The following SYT1 variants were observed in gnomAD, a reference collection of about 807,000 sequenced individuals.
SYT1 encodes the protein synaptotagmin-1.
SYT1 carries 8 observed loss-of-function variants against 44.8 expected under a neutral mutation model. That is an observed-to-expected ratio of 0.18 (90% CI 0.10 to 0.32). The LOEUF (loss-of-function observed/expected upper bound fraction) is 0.32, where lower values mean the gene tolerates loss of function less well. Ranked by LOEUF, SYT1 falls within the 10% of genes least tolerant of loss-of-function variation. SYT1 has a pLI of 1.00. For missense variants in SYT1, 286 were observed against 509.3 expected (o/e 0.56, Z 4.22); for synonymous variants, 154 against 188.8 (o/e 0.82, Z 1.51).
At chr12:79,039,161 C>G (rs7294674) in intron 2 of SYT1, among the ~76,000 whole-genome samples, 3 of 151,796 alleles carry the variant, frequency 2.0e-5, no homozygotes, top group East Asian at 1.9e-4. Context: ...GTCGAAGCAA[C>G]AATAATCCCT....
chr12:79,012,576 G>T (rs1460989364), intron 2 of SYT1, among the ~76,000 whole-genome samples: 1 of 152,146 alleles, frequency 6.6e-6, no homozygotes, highest in African/African-American at 2.4e-5. Flanking sequence ...TCTATTATTT[G>T]TTATTGTGGT....
intron 1 of SYT1, among the ~76,000 whole-genome samples, chr12:78,972,149 T>TC (rs1466022636): frequency 1.3e-5 from 2 of 152,180 alleles, no homozygotes; most frequent in East Asian, 3.9e-4. Context: ...TTCTATTTTC[T>TC]CCCCCATTTG....
intron 3 of SYT1, among the ~76,000 whole-genome samples, chr12:79,105,011 G>A (rs17046390): frequency 0.11 from 16,165 of 152,170 alleles, 2,771 homozygotes; most frequent in African/African-American, 0.36. Context: ...GGTCAGATTA[G>A]AGAGGTAGAC....
intron 3 of SYT1, among the ~76,000 whole-genome samples, chr12:79,178,972 A>G (rs1872108238): frequency 9.2e-6 from 1 of 108,984 alleles, no homozygotes; most frequent in Non-Finnish European, 1.8e-5. Context: ...ATATAGATAT[A>G]TAGATATAGA....
intron 2 of SYT1, among the ~76,000 whole-genome samples, chr12:79,012,804 T>A (rs1565762000): frequency 6.6e-6 from 1 of 152,162 alleles, no homozygotes; most frequent in African/African-American, 2.4e-5. Context: ...TGCTTTGTAG[T>A]CAGAATGGCA....
chr12:79,292,051 A>T lies in SYT1; in HGVS notation c.395A>T (p.Glu132Val). 1 of 1,614,066 alleles carries T rather than the reference A, an allele frequency of 6.2e-7. No individual in the cohort carries two copies. Residue 132 changes from glutamate to valine, a missense_variant, in exon 6 of 11, where the codon GAA becomes GTA. By Grantham distance (121) the Glu-to-Val change is moderately radical. Transcript: ENST00000261205. Reference sequence around the variant, plus strand: ...GCTGAAACTGGATTGACAGATGGAGAAGAAAAAGAAGAACCCAAAGAAGAG... The same window carrying T: ...GCTGAAACTGGATTGACAGATGGAGTAGAAAAAGAAGAACCCAAAGAAGAG... Reference protein sequence around the residue: ...DDAETGLTDGEEKEEPKEEEK... With the variant: ...DDAETGLTDGVEKEEPKEEEK...
chr12:79,028,656 C>T (rs376108769), intron 2 of SYT1, among the ~76,000 whole-genome samples: 423 of 151,378 alleles, frequency 2.8e-3, no homozygotes, highest in Non-Finnish European at 4.4e-3. Flanking sequence ...CAGTATTAGC[C>T]ATTTAGGTAT....
chr12:79,119,425 C>G (rs539722293), intron 3 of SYT1, among the ~76,000 whole-genome samples: 63 of 152,190 alleles, frequency 4.1e-4, no homozygotes, highest in Middle Eastern at 3.4e-3. Flanking sequence ...GTTTTTTGAC[C>G]CCTGACTTTT....
intron 1 of SYT1, among the ~76,000 whole-genome samples, chr12:78,952,294 C>A (rs1879008962): frequency 6.6e-6 from 1 of 152,114 alleles, no homozygotes; most frequent in Non-Finnish European, 1.5e-5. Context: ...CTACAGCAGA[C>A]ACTGATGCAG....
At chr12:79,029,653 A>C (rs1041882143) in intron 2 of SYT1, among the ~76,000 whole-genome samples, 5 of 151,166 alleles carry the variant, frequency 3.3e-5, no homozygotes, top group African/African-American at 9.7e-5. Flanking sequence ...ATTTATGTAG[A>C]TATGCTAAGT....
intron 1 of SYT1, among the ~76,000 whole-genome samples, chr12:78,922,387 TG>T (rs1256618064): frequency 2.0e-5 from 3 of 151,852 alleles, no homozygotes; most frequent in Non-Finnish European, 2.9e-5. Flanking sequence ...TATTCAACTT[TG>T]GGCTAATAAT....
intron 8 of SYT1, among the ~76,000 whole-genome samples, chr12:79,308,550 AAAAAGAAAGAAAGG>A (rs1263823276): frequency 3.7e-5 from 5 of 136,800 alleles, no homozygotes; most frequent in Non-Finnish European, 8.1e-5. Flanking sequence ...GAAAGAAAGA[AAAAAGAAAGAAAGG>A]AAAAGAAAGA....
chr12:78,971,378 G>A (rs1868378530), intron 1 of SYT1, among the ~76,000 whole-genome samples: 1 of 152,028 alleles, frequency 6.6e-6, no homozygotes, highest in African/African-American at 2.4e-5. Flanking sequence ...GAAAGTGAAG[G>A]CAATTCAGTT....
chr12:79,432,950 G>A (rs533994563), intron 9 of SYT1, among the ~76,000 whole-genome samples: 62 of 152,060 alleles, frequency 4.1e-4, no homozygotes, highest in Non-Finnish European at 7.5e-4. Context: ...GCACTGAGAC[G>A]TTTTCAGCTA....
intron 2 of SYT1, among the ~76,000 whole-genome samples, chr12:78,987,648 A>AGTTACCATTT (rs1869738490): frequency 6.6e-6 from 1 of 151,998 alleles, no homozygotes; most frequent in Non-Finnish European, 1.5e-5. Context: ...CTGCATACAT[A>AGTTACCATTT]GTTACCATTT....
At chr12:79,149,001 C>T (rs1323966111) in intron 3 of SYT1, among the ~76,000 whole-genome samples, 35 of 152,000 alleles carry the variant, frequency 2.3e-4, no homozygotes, top group South Asian at 2.1e-4. Flanking sequence ...AAGAATGTTA[C>T]ATCCTAAAGT....
At chr12:79,131,359 ACT>A (rs1334854864) in intron 3 of SYT1, among the ~76,000 whole-genome samples, 2 of 150,352 alleles carry the variant, frequency 1.3e-5, no homozygotes, top group Non-Finnish European at 3.0e-5. Flanking sequence ...GTTTTTCATA[ACT>A]CTGTCCCTTA....
intron 4 of SYT1, among the ~76,000 whole-genome samples, chr12:79,225,020 ATCTGCCTGCCTT>A (rs1736699856): frequency 6.6e-6 from 1 of 151,722 alleles, no homozygotes; most frequent in Non-Finnish European, 1.5e-5. Flanking sequence ...ACCTCAGGTG[ATCTGCCTGCCTT>A]GGCCTCCCAA....
intron 3 of SYT1, among the ~76,000 whole-genome samples, chr12:79,063,776 A>G (rs1013502044): frequency 1.3e-5 from 2 of 152,280 alleles, no homozygotes; most frequent in Non-Finnish European, 1.5e-5. Context: ...AAACAAATAC[A>G]GTAACAGGTA....
Sources: allele counts gnomAD v4.1 joint callset (sites outside exome capture counted in the v4.1 genomes callset), GRCh38; gene constraint gnomAD v4.1.1; transcripts MANE v1.5; gene names NCBI Gene and HGNC (gene_info 2026-07-23, HGNC 2026-07-21).